ARHGAP10: variants seen among roughly 807,000 people sequenced by gnomAD.
ARHGAP10 encodes rho GTPase-activating protein 10.
ARHGAP10 carries 87 observed loss-of-function variants against 108.6 expected under a neutral mutation model. That is an observed-to-expected ratio of 0.80 (90% CI 0.67 to 0.96). The LOEUF (loss-of-function observed/expected upper bound fraction) is 0.96. Ranked by LOEUF, ARHGAP10 falls within the 40% of genes least tolerant of loss-of-function variation. The probability of loss-of-function intolerance (pLI) is 0.00; values close to 1 mark genes in which losing one functional copy is unlikely to be tolerated. For synonymous variants in ARHGAP10, 347 were observed against 341.1 expected (o/e 1.02, Z -0.19); for missense variants, 939 against 954.5 (o/e 0.98, Z 0.21).
intron 3 of ARHGAP10, among the ~76,000 whole-genome samples, chr4:147,823,461 A>G (rs1050821300): frequency 2.6e-5 from 4 of 152,124 alleles, no homozygotes; most frequent in Non-Finnish European, 5.9e-5. Context: ...AACAAGAATA[A>G]GAAGAACTAC....
chr4:147,930,382 C>T (rs115032551), intron 13 of ARHGAP10, among the ~76,000 whole-genome samples: 127 of 152,190 alleles, frequency 8.3e-4, no homozygotes, highest in Non-Finnish European at 1.2e-3. Flanking sequence ...TTTTTCAATT[C>T]ATTTGTTAAA....
In ARHGAP10 at chr4:147,837,650, T is replaced by TTTTTTTTG. The variant is rs1553955212; in HGVS notation, c.313-9494_313-9493insGTTTTTTT. On this transcript the variant is annotated intron_variant, in intron 3 of 22. Transcript: ENST00000336498. ...CTAGAATCTCTGGTCACTGTTTTTT[T>TTTTTTTTG]TTTTTTTTTTTTAAAGCAGTAGCTT... is the stretch of plus-strand genomic sequence containing the variant. Among the ~76,000 whole-genome samples, 16 of 112,008 alleles carry TTTTTTTTG rather than the reference T, an allele frequency of 1.4e-4. 1 individual carries two copies. Among genetic ancestry groups the TTTTTTTTG allele is most frequent in the Non-Finnish European group, 2.9e-4 (16 of 54,602 alleles). The allele number at this position is 112,008 out of a possible 152,430, so 73.5% of individuals were successfully genotyped here.
At chr4:147,995,951 T>C (rs531610766) in intron 18 of ARHGAP10, among the ~76,000 whole-genome samples, 1 of 152,246 alleles carries the variant, frequency 6.6e-6, no homozygotes, top group South Asian at 2.1e-4. Flanking sequence ...TCTCCTGACC[T>C]CGTGATCCGC....
chr4:148,016,983 T>TAAA (rs767261865), intron 18 of ARHGAP10, among the ~76,000 whole-genome samples: 68 of 112,592 alleles, frequency 6.0e-4, no homozygotes, highest in African/African-American at 1.9e-3. Flanking sequence ...TCATCTCTAT[T>TAAA]AAAAAAAAAA....
intron 1 of ARHGAP10, among the ~76,000 whole-genome samples, chr4:147,746,129 G>A (rs1728906554): frequency 6.6e-6 from 1 of 151,002 alleles, no homozygotes; most frequent in Non-Finnish European, 1.5e-5. Flanking sequence ...TTTTGAGACA[G>A]AGTCTCACTC....
intron 3 of ARHGAP10, among the ~76,000 whole-genome samples, chr4:147,839,553 TACTA>T (rs757233435): frequency 3.3e-5 from 5 of 152,252 alleles, no homozygotes; most frequent in Non-Finnish European, 5.9e-5. Flanking sequence ...AGAAAATTGT[TACTA>T]AAGATACTAT....
At chr4:148,029,217 C>T (rs1339307167) in intron 19 of ARHGAP10, among the ~76,000 whole-genome samples, 1 of 152,078 alleles carries the variant, frequency 6.6e-6, no homozygotes, top group Admixed American at 6.6e-5. Context: ...GAGCAAAGTA[C>T]AGCTCATTTT....
intron 1 of ARHGAP10, among the ~76,000 whole-genome samples, chr4:147,818,878 G>A (rs898298144): frequency 6.6e-6 from 1 of 152,210 alleles, no homozygotes; most frequent in African/African-American, 2.4e-5. Context: ...AGAATATGGT[G>A]TGGTCAGATT....
At chr4:147,786,287 T>A (rs1228643040) in intron 1 of ARHGAP10, among the ~76,000 whole-genome samples, 2 of 152,138 alleles carry the variant, frequency 1.3e-5, no homozygotes, top group Non-Finnish European at 2.9e-5. Flanking sequence ...CAGATCAAAT[T>A]GTGTCTCTAA....
At chr4:147,967,830 G>C (rs1202666333) in intron 18 of ARHGAP10, among the ~76,000 whole-genome samples, 1 of 151,944 alleles carries the variant, frequency 6.6e-6, no homozygotes, top group Admixed American at 6.5e-5. Context: ...TCACCTGAGG[G>C]CCTCTTGTAA....
intron 16 of ARHGAP10, among the ~76,000 whole-genome samples, chr4:147,964,822 C>T (rs1029169403): frequency 6.6e-6 from 1 of 152,098 alleles, no homozygotes; most frequent in African/African-American, 2.4e-5. Flanking sequence ...TTAGGGGAGG[C>T]ATGAGAAGAT....
chr4:148,027,271 C>T (rs1050168116), intron 19 of ARHGAP10, among the ~76,000 whole-genome samples: 1 of 152,182 alleles, frequency 6.6e-6, no homozygotes, highest in African/African-American at 2.4e-5. Flanking sequence ...CATGATACAG[C>T]AGCTTATTTA....
intron 1 of ARHGAP10, among the ~76,000 whole-genome samples, chr4:147,781,796 T>G (rs573947146): frequency 2.0e-4 from 31 of 152,176 alleles, no homozygotes; most frequent in Non-Finnish European, 3.8e-4. Context: ...TAGATTTCTT[T>G]CCAGCTATTT....
intron 19 of ARHGAP10, among the ~76,000 whole-genome samples, chr4:148,027,810 A>C (rs1165918772): frequency 6.6e-6 from 1 of 152,224 alleles, no homozygotes; most frequent in Non-Finnish European, 1.5e-5. Context: ...GCAAGAGAAC[A>C]GAAAACTAGA....
Position 148,023,322 on chromosome 4 carries a change from C to T in ARHGAP10, c.1776C>T (p.Pro592=), listed in dbSNP as rs200847076. 3 of 1,614,212 alleles carry T rather than the reference C, an allele frequency of 1.9e-6. No homozygotes were observed. The highest frequency in any genetic ancestry group is 2.2e-5 in the East Asian group (1 of 44,890). ...FPEPTCLSAS[P]PNAPPRQSKR... is the part of the protein sequence containing the mutation. The stretch of plus-strand genomic sequence containing the variant: ...AGCCCACCTGCCTGTCAGCATCACC[C>T]CCAAATGCGCCACCAAGGCAGTCGA... Residue 592 remains proline, a synonymous_variant, in exon 19 of 23, where the codon CCC becomes CCT. Transcript: ENST00000336498.
intron 22 of ARHGAP10, among the ~76,000 whole-genome samples, chr4:148,066,408 G>A (rs1729878938): frequency 6.6e-6 from 1 of 152,196 alleles, no homozygotes; most frequent in African/African-American, 2.4e-5. Context: ...ATGTGAATGA[G>A]GGTCAGTGCC....
At chr4:147,777,175 AC>A (rs1195508218) in intron 1 of ARHGAP10, among the ~76,000 whole-genome samples, 1 of 151,820 alleles carries the variant, frequency 6.6e-6, no homozygotes, top group Non-Finnish European at 1.5e-5. Flanking sequence ...CTGGCCTTTT[AC>A]CATTAGGAAA....
At chr4:147,743,039 T>TTA (rs1728753504) in intron 1 of ARHGAP10, among the ~76,000 whole-genome samples, 1 of 150,020 alleles carries the variant, frequency 6.7e-6, no homozygotes, top group African/African-American at 2.5e-5. Flanking sequence ...TTTTTTTTTT[T>TTA]AATTTTTATT....
rs375294867 is a variant in ARHGAP10, at chr4:147,890,234, A to G, written c.1034+8302A>G. On this transcript the variant is annotated intron_variant, in intron 10 of 22. Coordinates refer to ENST00000336498, the MANE Select transcript of ARHGAP10 (RefSeq NM_024605.4). Reference sequence around the variant, plus strand: ...TTGTTTTAGTACTTTACTATTACTGAGAACCAATGGGAGAATGGCTAATGG... The same window carrying G: ...TTGTTTTAGTACTTTACTATTACTGGGAACCAATGGGAGAATGGCTAATGG... 2.8e-4 allele frequency among the ~76,000 whole-genome samples: 42 copies of G among 152,318 alleles called. No homozygotes were observed. The South Asian group carries it at 7.9e-3, about 29-fold the overall frequency.
Sources: gnomAD v4.1 joint callset for allele counts (sites outside exome capture counted in the v4.1 genomes callset) on GRCh38, gnomAD v4.1.1 for gene constraint, MANE v1.5 for transcripts, NCBI Gene and HGNC (gene_info 2026-07-23, HGNC 2026-07-21) for gene names.